The following KCTD8 variants were observed in gnomAD, a reference collection of about 807,000 sequenced individuals.
KCTD8 encodes potassium channel tetramerization domain containing 8.
KCTD8 carries 27 observed loss-of-function variants against 31.5 expected under a neutral mutation model. The ratio of observed to expected loss-of-function variants is 0.86; its 90% CI spans 0.63 to 1.18. The LOEUF (loss-of-function observed/expected upper bound fraction) is 1.18. Ranked by LOEUF, KCTD8 falls within the 50% of genes most tolerant of loss-of-function variation. The pLI is 0.00. For missense variants in KCTD8, 658 were observed against 647.7 expected (o/e 1.02, Z -0.17); for synonymous variants, 290 against 280.0 (o/e 1.04, Z -0.36).
chr4:44,432,146 ATTAT>A (rs1025546274), intron 1 of KCTD8, among the ~76,000 whole-genome samples: 52 of 151,488 alleles, frequency 3.4e-4, no homozygotes, highest in Non-Finnish European at 5.2e-4. Flanking sequence ...AGAAATAGAT[ATTAT>A]TTATTAGCTC....
chr4:44,385,359 G>T (rs1339705681), intron 1 of KCTD8, among the ~76,000 whole-genome samples: 3 of 151,628 alleles, frequency 2.0e-5, no homozygotes, highest in Non-Finnish European at 4.4e-5. Flanking sequence ...TAGACATATA[G>T]ACGAAGGAAA....
At chr4:44,243,218 A>G (rs1715555609) in intron 1 of KCTD8, among the ~76,000 whole-genome samples, 1 of 152,224 alleles carries the variant, frequency 6.6e-6, no homozygotes, top group Non-Finnish European at 1.5e-5. Context: ...CGAAGTTAAA[A>G]ATGGAGATAT....
chr4:44,232,237 C>T (rs369836464), intron 1 of KCTD8, among the ~76,000 whole-genome samples: 2 of 152,100 alleles, frequency 1.3e-5, no homozygotes, highest in African/African-American at 2.4e-5. Flanking sequence ...TCTCTCTCTG[C>T]CTCAAATGGT....
Position 44,262,045 on chromosome 4 carries a change from A to G in KCTD8, c.962-86795T>C, listed in dbSNP as rs185501270. ...ATAATGGAGACTGAGCTGAAGTAAT[A>G]TTGAAATAGAAGAACAAGAGACCTA... On this transcript the variant is annotated intron_variant, in intron 1 of 1. Coordinates refer to ENST00000360029, the MANE Select transcript of KCTD8 (RefSeq NM_198353.3). Among the ~76,000 whole-genome samples the G allele has an allele frequency of 3.4e-3, 518 of 152,208 alleles. 1 individual carries two copies. The highest frequency in any genetic ancestry group is 5.7e-3 in the Non-Finnish European group (386 of 67,940).
At chr4:44,331,385 G>A (rs554563704) in intron 1 of KCTD8, among the ~76,000 whole-genome samples, 5 of 151,644 alleles carry the variant, frequency 3.3e-5, no homozygotes, top group African/African-American at 4.8e-5. Flanking sequence ...GCACTTTAAC[G>A]ACCCTATTAC....
At chr4:44,429,060 C>T (rs985994963) in intron 1 of KCTD8, among the ~76,000 whole-genome samples, 2 of 151,492 alleles carry the variant, frequency 1.3e-5, no homozygotes, top group Non-Finnish European at 1.5e-5. Flanking sequence ...AGAAGGGAGA[C>T]AGAGAAGAAC....
chr4:44,279,889 G>A (rs1033398226), intron 1 of KCTD8, among the ~76,000 whole-genome samples: 2 of 152,006 alleles, frequency 1.3e-5, no homozygotes, highest in South Asian at 4.1e-4. Context: ...AAGATGAAAT[G>A]CAACTTTTCT....
In KCTD8 at chr4:44,447,542, ACGC is replaced by A; in HGVS notation, c.961+18_961+20del. ...AGCAGGGGGCGAGGGGTGCTGGGAAACGCCGGGGCTGCGAACTTACGGAAGAAA... is the reference window on the plus strand; with the variant it reads ...AGCAGGGGGCGAGGGGTGCTGGGAAACGGGGCTGCGAACTTACGGAAGAAA... On this transcript the variant is annotated intron_variant, in intron 1 of 1. Transcript: ENST00000360029. The A allele has an allele frequency of 1.3e-6, 2 of 1,520,660 alleles. No homozygotes were observed. The highest frequency in any genetic ancestry group is 1.8e-6 in the Non-Finnish European group (2 of 1,128,542). 94.2% of individuals were successfully genotyped at this position (1,520,660 alleles called of 1,614,324 possible).
chr4:44,197,091 C>CG (rs1406114063), intron 1 of KCTD8, among the ~76,000 whole-genome samples: 1 of 152,090 alleles, frequency 6.6e-6, no homozygotes, highest in African/African-American at 2.4e-5. Context: ...TGTGTTCCCC[C>CG]GGAAAACATG....
intron 1 of KCTD8, among the ~76,000 whole-genome samples, chr4:44,306,333 A>T (rs1303828030): frequency 6.6e-6 from 1 of 152,040 alleles, no homozygotes; most frequent in African/African-American, 2.4e-5. Flanking sequence ...TTGGTCAAGT[A>T]TAATTATATC....
At chr4:44,299,617 A>G (rs1490861985) in intron 1 of KCTD8, among the ~76,000 whole-genome samples, 1 of 151,536 alleles carries the variant, frequency 6.6e-6, no homozygotes, top group Non-Finnish European at 1.5e-5. Flanking sequence ...ATTCTCAGCT[A>G]CTCTGGAGGC....
chr4:44,215,471 A>G (rs1392093710), intron 1 of KCTD8, among the ~76,000 whole-genome samples: 1 of 152,206 alleles, frequency 6.6e-6, no homozygotes, highest in Non-Finnish European at 1.5e-5. Context: ...ACATTCTTTT[A>G]AATCATTTAT....
intron 1 of KCTD8, among the ~76,000 whole-genome samples, chr4:44,374,207 A>G (rs937130565): frequency 1.3e-5 from 2 of 152,188 alleles, no homozygotes; most frequent in African/African-American, 4.8e-5. Flanking sequence ...TAACGCAAAA[A>G]TGCATATAGA....
intron 1 of KCTD8, among the ~76,000 whole-genome samples, chr4:44,383,399 C>T (rs1247123376): frequency 6.6e-6 from 1 of 151,924 alleles, no homozygotes; most frequent in Non-Finnish European, 1.5e-5. Context: ...AGAGGCATCA[C>T]ACCTGACTTG....
At chr4:44,226,668 G>T (rs1714972734) in intron 1 of KCTD8, among the ~76,000 whole-genome samples, 1 of 152,110 alleles carries the variant, frequency 6.6e-6, no homozygotes, top group African/African-American at 2.4e-5. Context: ...CAGTGTAAAA[G>T]TGTTCCTATT....
At chr4:44,428,000 C>A (rs1336018020) in intron 1 of KCTD8, among the ~76,000 whole-genome samples, 1 of 151,536 alleles carries the variant, frequency 6.6e-6, no homozygotes, top group Non-Finnish European at 1.5e-5. Flanking sequence ...GCAGTGGAGG[C>A]CTAATTATTA....
chr4:44,218,517 CTTAT>C (rs1714715783), intron 1 of KCTD8, among the ~76,000 whole-genome samples: 1 of 150,654 alleles, frequency 6.6e-6, no homozygotes, highest in Non-Finnish European at 1.5e-5. Context: ...CCGTGATGTG[CTTAT>C]TTCACATTGC....
At chr4:44,437,350 T>C (rs552619929) in intron 1 of KCTD8, among the ~76,000 whole-genome samples, 1 of 152,274 alleles carries the variant, frequency 6.6e-6, no homozygotes, top group East Asian at 1.9e-4. Flanking sequence ...ATCGTCCCAG[T>C]CATGAAAGGT....
chr4:44,354,026 A>T (rs920643204), intron 1 of KCTD8, among the ~76,000 whole-genome samples: 1 of 152,118 alleles, frequency 6.6e-6, no homozygotes, highest in Non-Finnish European at 1.5e-5. Context: ...TCCAAACAAA[A>T]GTTATTTTTC....
Sources: allele counts gnomAD v4.1 joint callset (sites outside exome capture counted in the v4.1 genomes callset), GRCh38; gene constraint gnomAD v4.1.1; transcripts MANE v1.5; gene names NCBI Gene and HGNC (gene_info 2026-07-23, HGNC 2026-07-21).